Variants in COG5 observed in about 807,000 individuals in gnomAD.
COG5 encodes conserved oligomeric Golgi complex subunit 5.
Under a neutral mutation model 110.4 loss-of-function variants are expected in COG5, and 86 were observed. That is an observed-to-expected ratio of 0.78 (90% CI 0.65 to 0.93). The LOEUF is 0.93. Ranked by LOEUF, COG5 falls within the 40% of genes least tolerant of loss-of-function variation. COG5 has a pLI of 0.00. For missense variants in COG5, 1,077 were observed against 987.0 expected, an observed-to-expected ratio of 1.09 and a Z score of -1.22; for synonymous variants, 360 against 334.6, an observed-to-expected ratio of 1.08 and a Z score of -0.83.
At chr7:107,237,128 T>C (rs1285464781) in intron 17 of COG5, among the ~76,000 whole-genome samples, 1 of 152,208 alleles carries the variant, frequency 6.6e-6, no homozygotes, top group Non-Finnish European at 1.5e-5. Context: ...GCTTTCCCTA[T>C]ACAAATTCTT....
At chr7:107,394,110 C>T (rs1382295040) in intron 7 of COG5, among the ~76,000 whole-genome samples, 9 of 151,820 alleles carry the variant, frequency 5.9e-5, no homozygotes, top group Admixed American at 5.9e-4. Flanking sequence ...TACAGGCACC[C>T]GCCACCACGC....
At chr7:107,337,692 C>T (rs149954547) in intron 10 of COG5, among the ~76,000 whole-genome samples, 2 of 152,106 alleles carry the variant, frequency 1.3e-5, no homozygotes, top group African/African-American at 4.8e-5. Flanking sequence ...TGGTAAATGG[C>T]TAAAAACATA....
At chr7:107,284,587 G>A (rs927135521) in intron 12 of COG5, among the ~76,000 whole-genome samples, 3 of 152,180 alleles carry the variant, frequency 2.0e-5, no homozygotes, top group African/African-American at 4.8e-5. Flanking sequence ...CTAAAATCAC[G>A]TAAATACTCC....
chr7:107,454,053 A>G (rs547404295), intron 6 of COG5, among the ~76,000 whole-genome samples: 2 of 152,302 alleles, frequency 1.3e-5, no homozygotes, highest in South Asian at 4.1e-4. Context: ...ACAGTAAAAG[A>G]CTATTTCAAA....
At chr7:107,377,111 TC>T (rs1814701834) in intron 7 of COG5, among the ~76,000 whole-genome samples, 1 of 152,168 alleles carries the variant, frequency 6.6e-6, no homozygotes, top group Non-Finnish European at 1.5e-5. Context: ...GGTCCCTCTT[TC>T]TCAATTCTTG....
intron 10 of COG5, among the ~76,000 whole-genome samples, chr7:107,354,595 GA>G (rs1225987055): frequency 6.6e-6 from 1 of 152,186 alleles, no homozygotes; most frequent in Admixed American, 6.5e-5. Flanking sequence ...AGAATCGCTT[GA>G]ACCTAGGAGG....
At chr7:107,450,311 C>A in intron 6 of COG5, 1 of 152,952 alleles carries the variant, frequency 6.5e-6, no homozygotes, top group East Asian at 1.9e-4. Flanking sequence ...CCACTTCCAC[C>A]AACATGGCAA....
At chr7:107,339,486 G>T (rs114300460) in intron 10 of COG5, among the ~76,000 whole-genome samples, 5 of 151,816 alleles carry the variant, frequency 3.3e-5, no homozygotes, top group Admixed American at 3.3e-4. Flanking sequence ...AACTAACAAA[G>T]AAATTCTGGA....
At position 107,281,393 on chromosome 7, in the gene COG5, TAGTTCACTGGAGAAAATGAAAAC is replaced by T; in HGVS notation, c.1476-17_1481del. 6.2e-7 allele frequency: 1 copy of T among 1,611,382 alleles called. No individual in the cohort carries two copies. Among genetic ancestry groups the T allele is most frequent in the Non-Finnish European group, 8.5e-7 (1 of 1,177,648 alleles). On this transcript the variant is annotated splice_acceptor_variant and splice_polypyrimidine_tract_variant and coding_sequence_variant and intron_variant, in exon 14 of 22. Coordinates refer to ENST00000297135, the MANE Select transcript of COG5 (RefSeq NM_006348.5). LOFTEE classifies it high-confidence loss of function. ...GGTTTGTATCAACAGCAGCAACATT[TAGTTCACTGGAGAAAATGAAAAC>T]AGTTTTTAAATATTAGCAACATCAT...
chr7:107,249,643 T>C (rs575679152), intron 16 of COG5, among the ~76,000 whole-genome samples: 10 of 151,708 alleles, frequency 6.6e-5, no homozygotes, highest in Non-Finnish European at 1.2e-4. Context: ...AAATTCCTAA[T>C]CTATAACCCT....
chr7:107,315,376 G>GAT (rs1253831448), intron 11 of COG5, among the ~76,000 whole-genome samples: 4 of 152,040 alleles, frequency 2.6e-5, no homozygotes, highest in African/African-American at 9.7e-5. Context: ...AAGTATTACA[G>GAT]ATATATAACC....
intron 11 of COG5, among the ~76,000 whole-genome samples, chr7:107,302,299 T>C (rs1365473335): frequency 6.6e-6 from 1 of 152,196 alleles, no homozygotes. Context: ...TCATTCAATT[T>C]GTACAAAATT....
intron 6 of COG5, among the ~76,000 whole-genome samples, chr7:107,413,891 G>A (rs1330643693): frequency 6.6e-6 from 1 of 152,156 alleles, no homozygotes; most frequent in African/African-American, 2.4e-5. Flanking sequence ...CCTAGATGGA[G>A]ATACTAAAAT....
intron 6 of COG5, among the ~76,000 whole-genome samples, chr7:107,506,042 T>C (rs1798971813): frequency 6.6e-6 from 1 of 152,184 alleles, no homozygotes; most frequent in African/African-American, 2.4e-5. Context: ...GTGTTGGCTT[T>C]CTGAAATGAT....
At chr7:107,285,610 A>G (rs1167759521) in intron 12 of COG5, among the ~76,000 whole-genome samples, 1 of 152,198 alleles carries the variant, frequency 6.6e-6, no homozygotes, top group African/African-American at 2.4e-5. Flanking sequence ...CCCACCTTCT[A>G]TCTCTACTTT....
chr7:107,356,213 A>G (rs562801947), intron 10 of COG5, among the ~76,000 whole-genome samples: 1 of 152,384 alleles, frequency 6.6e-6, no homozygotes, highest in African/African-American at 2.4e-5. Flanking sequence ...CAGAAATTTC[A>G]TCATAGCTTA....
At chr7:107,317,281 C>T (rs1808842887) in intron 11 of COG5, among the ~76,000 whole-genome samples, 1 of 152,064 alleles carries the variant, frequency 6.6e-6, no homozygotes, top group Non-Finnish European at 1.5e-5. Context: ...CCTCCCAGAA[C>T]AGCCAAACAG....
At chr7:107,549,432 C>T (rs1802717058) in intron 3 of COG5, among the ~76,000 whole-genome samples, 1 of 152,120 alleles carries the variant, frequency 6.6e-6, no homozygotes, top group Admixed American at 6.6e-5. Flanking sequence ...CGCTCTGTCG[C>T]CCAGGCTGGA....
At position 107,213,472 on chromosome 7, in the gene COG5, G is replaced by C. The variant is rs542232144; in HGVS notation, c.2169-2247C>G. Among the ~76,000 whole-genome samples the C allele has an allele frequency of 1.2e-4, 19 of 152,308 alleles. No individual in the cohort carries two copies. In the East Asian group the frequency reaches 3.3e-3, roughly 26 times the overall value. On this transcript the variant is annotated intron_variant, in intron 19 of 21. Coordinates refer to ENST00000297135, the MANE Select transcript of COG5 (RefSeq NM_006348.5). Reference sequence around the variant, plus strand: ...GTGATCCATCTAAACCTAGAGCCCAGCCTGCCGACCTACCCAACTGCATAA... The same window carrying C: ...GTGATCCATCTAAACCTAGAGCCCACCCTGCCGACCTACCCAACTGCATAA...
Sources: allele counts gnomAD v4.1 joint callset (sites outside exome capture counted in the v4.1 genomes callset), GRCh38; gene constraint gnomAD v4.1.1; transcripts MANE v1.5; gene names NCBI Gene and HGNC (gene_info 2026-07-23, HGNC 2026-07-21).